SLC4A4: variants seen among roughly 807,000 people sequenced by gnomAD.
SLC4A4 encodes electrogenic sodium bicarbonate cotransporter 1.
A neutral mutation model predicts 111.5 loss-of-function variants in SLC4A4; 27 were observed. That is an observed-to-expected ratio of 0.24 (90% CI 0.18 to 0.33). The LOEUF (loss-of-function observed/expected upper bound fraction) is 0.33. Ranked by LOEUF, SLC4A4 falls within the 10% of genes least tolerant of loss-of-function variation. The pLI, the probability that SLC4A4 is intolerant of heterozygous loss-of-function variation, is 1.00. For synonymous variants in SLC4A4, 443 were observed against 463.4 expected (o/e 0.96, Z 0.57); for missense variants, 909 against 1,315.5 (o/e 0.69, Z 4.78).
chr4:71,527,913 A>G (rs1733565130), intron 16 of SLC4A4, among the ~76,000 whole-genome samples: 2 of 152,034 alleles, frequency 1.3e-5, no homozygotes, highest in African/African-American at 4.8e-5. Flanking sequence ...GAGAGAATAT[A>G]GATAGGAAAG....
intron 1 of SLC4A4, among the ~76,000 whole-genome samples, chr4:71,079,361 C>T (rs1260320832): frequency 6.6e-6 from 1 of 152,160 alleles, no homozygotes; most frequent in African/African-American, 2.4e-5. Context: ...GTAGAAGGAA[C>T]ACATCCTTTT....
intron 1 of SLC4A4, among the ~76,000 whole-genome samples, chr4:71,199,661 A>AT (rs1367227000): frequency 6.6e-6 from 1 of 151,704 alleles, no homozygotes; most frequent in Non-Finnish European, 1.5e-5. Flanking sequence ...TTTTATTTTT[A>AT]TTTTTTGAGA....
At chr4:71,090,442 G>C (rs1220093201) in intron 1 of SLC4A4, among the ~76,000 whole-genome samples, 1 of 152,098 alleles carries the variant, frequency 6.6e-6, no homozygotes, top group African/African-American at 2.4e-5. Context: ...AGATGAACCT[G>C]GTACCTCGGT....
chr4:71,391,108 A>G (rs992129197), intron 6 of SLC4A4, among the ~76,000 whole-genome samples: 1 of 152,136 alleles, frequency 6.6e-6, no homozygotes, highest in African/African-American at 2.4e-5. Flanking sequence ...TTATTCTGAA[A>G]TGACATTTAT....
At chr4:71,374,699 A>G (rs146253991) in intron 6 of SLC4A4, among the ~76,000 whole-genome samples, 12 of 152,340 alleles carry the variant, frequency 7.9e-5, no homozygotes, top group African/African-American at 2.2e-4. Flanking sequence ...AAATTCTGTT[A>G]TATTTCAGAA....
rs1419938450 is a variant in SLC4A4, at chr4:71,422,485, T to C, written c.808-18131T>C. Reference sequence around the variant, plus strand: ...AGAGGGAATCCTCCCTAACTCATTTTATGAGGCCAGCATCATCCTGATACC... The same window carrying C: ...AGAGGGAATCCTCCCTAACTCATTTCATGAGGCCAGCATCATCCTGATACC... On this transcript the variant is annotated intron_variant, in intron 7 of 25. Transcript: ENST00000264485. Among the ~76,000 whole-genome samples, 234 of 152,148 alleles carry C rather than the reference T, an allele frequency of 1.5e-3. 3 individuals are homozygous for C. Among genetic ancestry groups the C allele is most frequent in the Non-Finnish European group, 2.1e-3 (146 of 67,992 alleles).
chr4:71,439,352 C>T (rs1284996041), intron 7 of SLC4A4, among the ~76,000 whole-genome samples: 4 of 134,132 alleles, frequency 3.0e-5, no homozygotes, highest in East Asian at 5.1e-4. Flanking sequence ...CACTTGAACC[C>T]GGGAGGCAAA....
chr4:71,542,119 G>T (rs1221413603), intron 18 of SLC4A4, among the ~76,000 whole-genome samples: 1 of 152,060 alleles, frequency 6.6e-6, no homozygotes, highest in East Asian at 1.9e-4. Flanking sequence ...TTGAAGCATA[G>T]CTTTTACCAT....
chr4:71,138,241 T>C (rs1743897767), intron 2 of SLC4A4, among the ~76,000 whole-genome samples: 1 of 152,186 alleles, frequency 6.6e-6, no homozygotes, highest in South Asian at 2.1e-4. Context: ...TCACCTCTAT[T>C]AATATATTAA....
At chr4:71,552,510 C>G (rs1055222446) in intron 20 of SLC4A4, among the ~76,000 whole-genome samples, 1 of 151,816 alleles carries the variant, frequency 6.6e-6, no homozygotes, top group South Asian at 2.1e-4. Context: ...TGGGAATATT[C>G]AAATACTATC....
At chr4:71,263,649 A>G (rs1489622077) in intron 3 of SLC4A4, among the ~76,000 whole-genome samples, 1 of 152,210 alleles carries the variant, frequency 6.6e-6, no homozygotes, top group Non-Finnish European at 1.5e-5. Flanking sequence ...TGTCCACTAG[A>G]GTGAGTTGAA....
At chr4:71,386,610 A>G (rs1056537977) in intron 6 of SLC4A4, among the ~76,000 whole-genome samples, 3 of 151,718 alleles carry the variant, frequency 2.0e-5, no homozygotes, top group African/African-American at 7.3e-5. Context: ...CTGTATGTAT[A>G]ATCTCATACA....
chr4:71,390,971 G>A (rs888954571), intron 6 of SLC4A4, among the ~76,000 whole-genome samples: 1 of 152,036 alleles, frequency 6.6e-6, no homozygotes, highest in Non-Finnish European at 1.5e-5. Flanking sequence ...CAGGTACCTA[G>A]TACTCAAAAA....
intron 7 of SLC4A4, among the ~76,000 whole-genome samples, chr4:71,405,353 T>A (rs997853308): frequency 2.0e-5 from 3 of 152,142 alleles, no homozygotes; most frequent in African/African-American, 7.2e-5. Flanking sequence ...TATTTCTATA[T>A]AAATAATAAA....
intron 22 of SLC4A4, 110 bp from the exon 23 acceptor site, chr4:71,559,983 C>T: frequency 3.6e-6 from 3 of 828,206 alleles, no homozygotes; most frequent in Non-Finnish European, 4.2e-6. Flanking sequence ...CATACTCTAT[C>T]TAGCCTTACA....
chr4:71,352,887 T>A (rs192365045), intron 5 of SLC4A4, among the ~76,000 whole-genome samples: 1 of 152,336 alleles, frequency 6.6e-6, no homozygotes, highest in Non-Finnish European at 1.5e-5. Flanking sequence ...ACAGCATCCC[T>A]GCTGTGCTTG....
In SLC4A4 at chr4:71,165,413, T is replaced by C. The variant is rs374821787; in HGVS notation, c.-1-71163T>C. Among the ~76,000 whole-genome samples the C allele has an allele frequency of 6.6e-5, 10 of 152,318 alleles. No individual in the cohort carries two copies. The East Asian group carries it at 1.7e-3, about 26-fold the overall frequency. ...TTCATGTCCTTTGCAGGGACATGTA[T>C]GAAGCTGGAAACCATCATTCTCAGC... On this transcript the variant is annotated intron_variant, in intron 2 of 26. Transcript: ENST00000649996.
At chr4:71,409,286 G>A (rs1006767642) in intron 7 of SLC4A4, among the ~76,000 whole-genome samples, 21 of 152,190 alleles carry the variant, frequency 1.4e-4, no homozygotes, top group Non-Finnish European at 2.9e-5. Flanking sequence ...AAGAAGATAG[G>A]AAAATGTGGG....
intron 18 of SLC4A4, among the ~76,000 whole-genome samples, chr4:71,538,972 A>G (rs1050463167): frequency 1.3e-5 from 2 of 152,076 alleles, no homozygotes; most frequent in Non-Finnish European, 2.9e-5. Context: ...TACTTCTCAC[A>G]AGGAAGGTGA....
Sources: gnomAD v4.1 joint callset for allele counts (sites outside exome capture counted in the v4.1 genomes callset) on GRCh38, gnomAD v4.1.1 for gene constraint, MANE v1.5 for transcripts, NCBI Gene and HGNC (gene_info 2026-07-23, HGNC 2026-07-21) for gene names.